The following TNFAIP8 variants were observed in gnomAD, a reference collection of about 807,000 sequenced individuals.
The protein encoded by TNFAIP8 is TNF alpha induced protein 8, also known as tumor necrosis factor alpha-induced protein 8.
A neutral mutation model predicts 13.3 loss-of-function variants in TNFAIP8; 7 were observed. That is an observed-to-expected ratio of 0.52 (90% confidence interval 0.30 to 0.99). The LOEUF (loss-of-function observed/expected upper bound fraction) is 0.99, where lower values mean the gene tolerates loss of function less well. Among genes scored for constraint, TNFAIP8 ranks in the 50% least tolerant of loss-of-function variants. The probability of loss-of-function intolerance (pLI) is 0.07; values close to 1 mark genes in which losing one functional copy is unlikely to be tolerated. For synonymous variants in TNFAIP8, 94 were observed against 87.6 expected (o/e 1.07, Z -0.41); for missense variants, 258 against 236.9 (o/e 1.09, Z -0.58).
intron 1 of TNFAIP8, among the ~76,000 whole-genome samples, chr5:119,340,421 G>T (rs1309412776): frequency 6.6e-6 from 1 of 152,194 alleles, no homozygotes; most frequent in South Asian, 2.1e-4. Context: ...CCCTGCTCCC[G>T]GGAGGCTGGT....
intron 1 of TNFAIP8, among the ~76,000 whole-genome samples, chr5:119,336,537 T>G (rs1005254791): frequency 2.0e-5 from 3 of 151,938 alleles, no homozygotes; most frequent in Non-Finnish European, 2.9e-5. Flanking sequence ...TACTTCTTAT[T>G]TCAGAGAAAT....
chr5:119,281,306 A>ACACACACACACACACACTCT lies in TNFAIP8; in HGVS notation c.1+12400_1+12401insACACACACACACACACTCTC. On this transcript the variant is annotated intron_variant, in intron 1 of 1. Coordinates refer to the TNFAIP8 transcript ENST00000274456. ...CACACATACACACACACACACACACACTCTCTCTCTCTCACACTTACATGC... is the reference window on the plus strand; with the variant it reads ...CACACATACACACACACACACACACACACACACACACACACACTCTCTCTCTCTCTCTCACACTTACATGC... Among the ~76,000 whole-genome samples, 599 of 114,202 alleles carry ACACACACACACACACACTCT rather than the reference A, an allele frequency of 5.2e-3. 3 individuals carry two copies. The highest frequency in any genetic ancestry group is 9.0e-3 in the Middle Eastern group (2 of 222). The allele number at this position is 114,202 out of a possible 152,430, so 74.9% of individuals were successfully genotyped here.
At chr5:119,383,866 G>A (rs1342511098) in intron 1 of TNFAIP8, among the ~76,000 whole-genome samples, 1 of 152,194 alleles carries the variant, frequency 6.6e-6, no homozygotes, top group Admixed American at 6.5e-5. Context: ...TTCCCTGGAA[G>A]CTATTTCAAG....
chr5:119,285,793 C>T (rs57574427), intron 1 of TNFAIP8, among the ~76,000 whole-genome samples: 1,542 of 152,268 alleles, frequency 0.01, 17 homozygotes, highest in African/African-American at 0.035. Context: ...TATGCATCAG[C>T]TGCTTACATA....
intron 1 of TNFAIP8, among the ~76,000 whole-genome samples, chr5:119,284,409 T>C (rs1265737193): frequency 1.3e-5 from 2 of 152,092 alleles, no homozygotes; most frequent in Non-Finnish European, 2.9e-5. Flanking sequence ...ATCCCTGATT[T>C]AGGCCAGGCA....
rs78516094 is a variant in TNFAIP8, at chr5:119,340,051, A to T, written c.2-52765A>T. On this transcript the variant is annotated intron_variant, in intron 1 of 1. Transcript: ENST00000274456. ...TAGAGCAGGGGAAGGGTCTGGGGCA[A>T]CATTCAGAAGGCTGGTGAAAATGAA... is the stretch of plus-strand genomic sequence containing the variant. Among the ~76,000 whole-genome samples the T allele has an allele frequency of 2.6e-5, 4 of 152,336 alleles. No homozygotes were observed. In the East Asian group the frequency reaches 7.7e-4, roughly 29 times the overall value.
At chr5:119,295,366 G>C (rs1316791352) in intron 1 of TNFAIP8, among the ~76,000 whole-genome samples, 2 of 151,646 alleles carry the variant, frequency 1.3e-5, no homozygotes, top group African/African-American at 4.8e-5. Context: ...AGTTTTCCCA[G>C]CACCATTTAT....
At chr5:119,279,253 C>T (rs888750245) in intron 1 of TNFAIP8, among the ~76,000 whole-genome samples, 1 of 152,222 alleles carries the variant, frequency 6.6e-6, no homozygotes, top group East Asian at 1.9e-4. Flanking sequence ...CTCAGCTGCC[C>T]TCCCATACTT....
At chr5:119,291,580 A>G (rs1748986088) in intron 1 of TNFAIP8, among the ~76,000 whole-genome samples, 1 of 152,244 alleles carries the variant, frequency 6.6e-6, no homozygotes, top group Admixed American at 6.5e-5. Context: ...CTAATGAGGC[A>G]GTACCAGCCA....
chr5:119,333,132 T>C (rs1750436358), intron 1 of TNFAIP8: 1 of 899,464 alleles, frequency 1.1e-6, no homozygotes, highest in Non-Finnish European at 1.3e-6. Flanking sequence ...TATCTGTTTC[T>C]ATTTTCTAGC....
chr5:119,327,349 C>A (rs1386849362), intron 1 of TNFAIP8, among the ~76,000 whole-genome samples: 5 of 152,098 alleles, frequency 3.3e-5, no homozygotes. Flanking sequence ...CACAAACATT[C>A]AAAAATGATG....
At chr5:119,357,765 G>A (rs185532006) in intron 1 of TNFAIP8, among the ~76,000 whole-genome samples, 29 of 151,916 alleles carry the variant, frequency 1.9e-4, no homozygotes, top group African/African-American at 6.5e-4. Flanking sequence ...ATGATATGGC[G>A]CTCTGCTTTT....
intron 1 of TNFAIP8, among the ~76,000 whole-genome samples, chr5:119,370,708 C>T (rs1752040954): frequency 6.6e-6 from 1 of 152,210 alleles, no homozygotes; most frequent in East Asian, 1.9e-4. Context: ...ATCTTCTCTG[C>T]TATCCCTAAT....
chr5:119,393,170 C>G lies in TNFAIP8; in HGVS notation c.386C>G (p.Ser129Cys). ...VDYTFDRNVL[S>C]RLLNECREML... is the part of the protein sequence containing the mutation. ...TATACCTTTGACCGGAATGTGTTAT[C>G]CAGGCTGTTAAATGAATGCAGAGAG... The change falls in exon 2 of 2, where the codon TCC (serine) becomes TGC (cysteine). Residue 129 changes from serine to cysteine, a missense_variant. Coordinates refer to ENST00000504771, the MANE Select transcript of TNFAIP8 (RefSeq NM_014350.4). 1 of 1,613,998 alleles carries G rather than the reference C, an allele frequency of 6.2e-7. No homozygotes were observed. Among genetic ancestry groups the G allele is most frequent in the South Asian group, 1.1e-5 (1 of 91,084 alleles).
intron 1 of TNFAIP8, among the ~76,000 whole-genome samples, chr5:119,346,546 C>T (rs1750907603): frequency 6.6e-6 from 1 of 152,152 alleles, no homozygotes; most frequent in Non-Finnish European, 1.5e-5. Context: ...ATTGCAGTTC[C>T]TCAAACTTAG....
At chr5:119,390,702 T>C (rs899409453) in intron 1 of TNFAIP8, among the ~76,000 whole-genome samples, 1 of 152,214 alleles carries the variant, frequency 6.6e-6, no homozygotes, top group Non-Finnish European at 1.5e-5. Flanking sequence ...GCACTGTATA[T>C]TTATAAATGA....
chr5:119,274,885 A>G (rs1748392125), intron 1 of TNFAIP8, among the ~76,000 whole-genome samples: 1 of 152,228 alleles, frequency 6.6e-6, no homozygotes, highest in Admixed American at 6.5e-5. Flanking sequence ...CTGTTAAGTC[A>G]GAATCACCAG....
intron 1 of TNFAIP8, among the ~76,000 whole-genome samples, chr5:119,308,122 G>T (rs1311462847): frequency 6.6e-6 from 1 of 152,130 alleles, no homozygotes; most frequent in Non-Finnish European, 1.5e-5. Flanking sequence ...TGCACCTCTT[G>T]CCCAACTGAT....
intron 1 of TNFAIP8, among the ~76,000 whole-genome samples, chr5:119,282,494 C>G (rs570629535): frequency 2.1e-4 from 32 of 152,276 alleles, no homozygotes; most frequent in African/African-American, 7.7e-4. Flanking sequence ...TCTGGGTTGT[C>G]CCATGGATTC....
Sources: allele counts gnomAD v4.1 joint callset (sites outside exome capture counted in the v4.1 genomes callset), GRCh38; gene constraint gnomAD v4.1.1; transcripts MANE v1.5; gene names NCBI Gene and HGNC (gene_info 2026-07-23, HGNC 2026-07-21).